The following VOPP1 variants were observed in gnomAD, a reference collection of about 807,000 sequenced individuals.
VOPP1 encodes VOPP1 WW domain binding protein, also known as WW domain binding protein VOPP1.
In VOPP1, 8 loss-of-function variants were observed where a neutral mutation model predicts 23.5. The ratio of observed to expected loss-of-function variants is 0.34; its 90% CI spans 0.20 to 0.61. The LOEUF (loss-of-function observed/expected upper bound fraction) is 0.61. VOPP1 is among the 20% of genes least tolerant of loss of function. VOPP1 has a pLI of 0.78. For synonymous variants in VOPP1, 83 were observed against 97.3 expected (o/e 0.85, Z 0.86); for missense variants, 174 against 238.1 (o/e 0.73, Z 1.77).
At position 55,444,237 on chromosome 7, in the gene VOPP1, C is replaced by T. The variant is rs139096470; in HGVS notation, n.418-8063G>A. On this transcript the variant is annotated intron_variant and non_coding_transcript_variant, in intron 4 of 4. Coordinates refer to the VOPP1 transcript ENST00000462326. ...AAGTTAGAGATCATCGGACAAGAGT[C>T]ATGTTGGGTTATAGGCCCACCTTAT... Among the ~76,000 whole-genome samples, 816 of 152,332 alleles carry T rather than the reference C, an allele frequency of 5.4e-3. 4 individuals carry two copies. The highest frequency in any genetic ancestry group is 0.02 in the Middle Eastern group (6 of 294).
At chr7:55,461,418 GT>G (rs200620024) in intron 4 of VOPP1, among the ~76,000 whole-genome samples, 5 of 151,878 alleles carry the variant, frequency 3.3e-5, no homozygotes, top group Admixed American at 1.3e-4. Flanking sequence ...CTAGTCCATT[GT>G]TTTTTTTCTT....
chr7:55,494,867 T>C (rs1375371082), intron 3 of VOPP1, among the ~76,000 whole-genome samples: 1 of 152,054 alleles, frequency 6.6e-6, no homozygotes, highest in Non-Finnish European at 1.5e-5. Context: ...GGAGTAGTAG[T>C]AAGAAAGGCA....
intron 4 of VOPP1, among the ~76,000 whole-genome samples, chr7:55,490,538 CACGGACCAGGG>C (rs1793492322): frequency 1.3e-5 from 2 of 152,302 alleles, no homozygotes; most frequent in South Asian, 4.1e-4. Context: ...CGGCCAGGAC[CACGGACCAGGG>C]ACATGTGGCC....
intron 1 of VOPP1, chr7:55,561,748 C>CAA (rs372739310): frequency 0.01 from 3,086 of 299,112 alleles, no homozygotes; most frequent in South Asian, 0.015. Flanking sequence ...TCCCCTCTTC[C>CAA]AAAAAAAAAA....
At chr7:55,478,722 T>C (rs1792460453) in intron 4 of VOPP1, among the ~76,000 whole-genome samples, 2 of 152,246 alleles carry the variant, frequency 1.3e-5, no homozygotes, top group Non-Finnish European at 2.9e-5. Flanking sequence ...TCCCATGACA[T>C]GCTAAGTGCA....
intron 1 of VOPP1, among the ~76,000 whole-genome samples, chr7:55,558,306 C>A (rs1214965284): frequency 1.3e-5 from 2 of 152,048 alleles, no homozygotes; most frequent in African/African-American, 4.8e-5. Flanking sequence ...GCATGCTTAT[C>A]TCCAAACTCA....
intron 2 of VOPP1, among the ~76,000 whole-genome samples, chr7:55,512,708 C>A (rs1795159527): frequency 6.6e-6 from 1 of 152,216 alleles, no homozygotes; most frequent in South Asian, 2.1e-4. Flanking sequence ...GGGAAGCGCC[C>A]CCGCCCCCAT....
At chr7:55,571,446 T>C (rs1482982616) in intron 1 of VOPP1, among the ~76,000 whole-genome samples, 2 of 152,216 alleles carry the variant, frequency 1.3e-5, no homozygotes, top group African/African-American at 4.8e-5. Context: ...TTCAGAATAA[T>C]GAAACTAAGG....
At chr7:55,561,194 C>T (rs534520393) in intron 1 of VOPP1, among the ~76,000 whole-genome samples, 2 of 152,246 alleles carry the variant, frequency 1.3e-5, no homozygotes, top group East Asian at 1.9e-4. Context: ...CTTACTTCAA[C>T]GCAAAGTTCC....
chr7:55,539,040 AGGGG>A (rs60010511), intron 1 of VOPP1, among the ~76,000 whole-genome samples: 1 of 47,812 alleles, frequency 2.1e-5, no homozygotes, highest in Non-Finnish European at 4.9e-5. Context: ...TTAAAAAAAA[AGGGG>A]GGGGGGGAGG....
At chr7:55,486,570 C>T (rs2129016109) in intron 4 of VOPP1, among the ~76,000 whole-genome samples, 1 of 152,256 alleles carries the variant, frequency 6.6e-6, no homozygotes, top group Non-Finnish European at 1.5e-5. Flanking sequence ...GGTGAGGAGG[C>T]CCGCCATATT....
intron 1 of VOPP1, among the ~76,000 whole-genome samples, chr7:55,538,390 T>C (rs1796933849): frequency 6.6e-6 from 1 of 152,194 alleles, no homozygotes; most frequent in Non-Finnish European, 1.5e-5. Flanking sequence ...CAACATCTTA[T>C]TCAGACTTAT....
At chr7:55,489,792 C>G (rs902805533) in intron 4 of VOPP1, among the ~76,000 whole-genome samples, 2 of 152,154 alleles carry the variant, frequency 1.3e-5, no homozygotes, top group African/African-American at 4.8e-5. Context: ...CGGGCATCTA[C>G]TTGGTGCCTG....
At chr7:55,553,756 TACACACACACAC>T (rs59300549) in intron 1 of VOPP1, 39,957 of 138,460 alleles carry the variant, frequency 0.29, 6,154 homozygotes, top group Non-Finnish European at 0.36. Flanking sequence ...CCCTGCACTC[TACACACACACAC>T]ACACACACAC....
intron 1 of VOPP1, among the ~76,000 whole-genome samples, chr7:55,570,442 G>A (rs2129058176): frequency 6.6e-6 from 1 of 152,180 alleles, no homozygotes; most frequent in Non-Finnish European, 1.5e-5. Context: ...CTTTAAGGTC[G>A]TTTCAACTTT....
chr7:55,536,305 G>C (rs574524176), intron 1 of VOPP1, among the ~76,000 whole-genome samples: 3 of 152,318 alleles, frequency 2.0e-5, no homozygotes, highest in Admixed American at 6.5e-5. Context: ...AAGGCAGGCA[G>C]ATCACCTGAG....
At chr7:55,449,393 T>C (rs921310063) in intron 4 of VOPP1, among the ~76,000 whole-genome samples, 15 of 152,076 alleles carry the variant, frequency 9.9e-5, no homozygotes, top group African/African-American at 3.6e-4. Flanking sequence ...GACGCGCAGG[T>C]CAGGGACACC....
At chr7:55,469,083 A>G, downstream of VOPP1, among the ~76,000 whole-genome samples, 1 of 152,210 alleles carries the variant, frequency 6.6e-6, no homozygotes, top group Non-Finnish European at 1.5e-5. Flanking sequence ...TGTTCACGGT[A>G]ATTTTTTTTC....
At chr7:55,464,145 A>C (rs1346659221) in intron 4 of VOPP1, among the ~76,000 whole-genome samples, 2 of 152,136 alleles carry the variant, frequency 1.3e-5, no homozygotes, top group Non-Finnish European at 2.9e-5. Flanking sequence ...GCAGTGGCAG[A>C]GTAGGGGGCA....
Sources: gnomAD v4.1 joint callset for allele counts (sites outside exome capture counted in the v4.1 genomes callset) on GRCh38, gnomAD v4.1.1 for gene constraint, MANE v1.5 for transcripts, NCBI Gene and HGNC (gene_info 2026-07-23, HGNC 2026-07-21) for gene names.